XKR4: variants seen among roughly 807,000 people sequenced by gnomAD.
The protein encoded by XKR4 is XK related 4, also known as XK-related protein 4.
Under a neutral mutation model 53.9 loss-of-function variants are expected in XKR4, and 12 were observed. The ratio of observed to expected loss-of-function variants is 0.22; its 90% confidence interval spans 0.14 to 0.36. The LOEUF is 0.36. XKR4 is among the 10% of genes least tolerant of loss of function. XKR4 has a pLI of 1.00. For synonymous variants in XKR4, 354 were observed against 362.4 expected, an observed-to-expected ratio of 0.98 and a Z score of 0.26; for missense variants, 799 against 859.5, an observed-to-expected ratio of 0.93 and a Z score of 0.88.
intron 1 of XKR4, among the ~76,000 whole-genome samples, chr8:55,117,435 T>C (rs1262914647): frequency 6.6e-6 from 1 of 152,226 alleles, no homozygotes; most frequent in African/African-American, 2.4e-5. Flanking sequence ...CTTCCTGCCT[T>C]GCTTAAGGCC....
chr8:55,474,215 C>G (rs1585594215), intron 2 of XKR4, among the ~76,000 whole-genome samples: 1 of 152,120 alleles, frequency 6.6e-6, no homozygotes, highest in Non-Finnish European at 1.5e-5. Flanking sequence ...TAGCCTAAAA[C>G]AGACTTATCA....
intron 1 of XKR4, among the ~76,000 whole-genome samples, chr8:55,110,220 A>G (rs1816213203): frequency 6.6e-6 from 1 of 152,192 alleles, no homozygotes; most frequent in Non-Finnish European, 1.5e-5. Flanking sequence ...AGGGAAAATT[A>G]TATTTAATAA....
rs751884512 is a variant in XKR4, at chr8:55,523,792, G to A, written c.1518G>A (p.Met506Ile). 24 of 1,614,134 alleles carry A rather than the reference G, an allele frequency of 1.5e-5. No homozygotes were observed. Among genetic ancestry groups the A allele is most frequent in the Non-Finnish European group, 2.0e-5 (24 of 1,180,028 alleles). Residue 506 changes from methionine to isoleucine, a missense_variant, in exon 3 of 3, where the codon ATG becomes ATA. By Grantham distance (10) the Met-to-Ile change is conservative. Transcript: ENST00000327381. ...FSSFLTGVVF[M>I]LMYYAFFHPN... is the part of the protein sequence containing the mutation. ...GCTTTTTAACTGGCGTTGTTTTTAT[G>A]CTGATGTATTATGCCTTCTTTCATC...
rs565490531 is a variant in XKR4 at position 55,161,312 on chromosome 8, A to AG, written c.806+58018_806+58019insG. ...ACTCGCAGACATCTTTCCCAGAAAA[A>AG]AAAGAGATGCAGATTTAGACTTATT... On this transcript the variant is annotated intron_variant, in intron 1 of 2. Coordinates refer to ENST00000327381, the MANE Select transcript of XKR4 (RefSeq NM_052898.2). Among the ~76,000 whole-genome samples the AG allele has an allele frequency of 3.3e-4, 51 of 152,318 alleles. 1 individual carries two copies. In the South Asian group the frequency reaches 8.9e-3, roughly 27 times the overall value.
chr8:55,534,296 C>T lies in XKR4; in HGVS notation c.*10069C>T, dbSNP rs1806995833. 1 of 149,850 alleles carries T rather than the reference C, an allele frequency of 6.7e-6. No individual in the cohort carries two copies. Among genetic ancestry groups the T allele is most frequent in the East Asian group, 2.0e-4 (1 of 5,038 alleles). 9.3% of individuals were successfully genotyped at this position (149,850 alleles called of 1,614,324 possible). A position where few individuals can be genotyped will look rare whatever the true frequency, so the allele number is the denominator to read the frequency against. ...GAGATCCATTTCTATGTGGAATTGG[C>T]TATCCTGTTGCTTCTCAGGCCCTGC... On this transcript the variant is annotated 3_prime_UTR_variant, in exon 3 of 3. Coordinates refer to ENST00000327381, the MANE Select transcript of XKR4 (RefSeq NM_052898.2).
At chr8:55,316,086 C>T (rs932177860) in intron 1 of XKR4, among the ~76,000 whole-genome samples, 8 of 152,180 alleles carry the variant, frequency 5.3e-5, no homozygotes, top group Non-Finnish European at 1.0e-4. Flanking sequence ...TGAATGGAGT[C>T]TTAGCACCAT....
rs77343729 is a variant in XKR4 at position 55,258,864 on chromosome 8, G to T, written c.807-98814G>T. On this transcript the variant is annotated intron_variant, in intron 1 of 2. Transcript: ENST00000327381. ...TGTGGCCCCAGAAAGAGAATGTGCA[G>T]CCACCGGGGAGTTGGAAAAGCTGGG... Among the ~76,000 whole-genome samples, 418 of 152,304 alleles carry T rather than the reference G, an allele frequency of 2.7e-3. 11 individuals are homozygous for T. In the East Asian group the frequency reaches 0.059, roughly 22 times the overall value.
intron 2 of XKR4, among the ~76,000 whole-genome samples, chr8:55,474,295 T>C (rs1343151540): frequency 6.6e-6 from 1 of 152,060 alleles, no homozygotes; most frequent in Non-Finnish European, 1.5e-5. Flanking sequence ...ACTTTACATA[T>C]TGGGCTGAAT....
intron 2 of XKR4, chr8:55,517,212 C>T (rs1198213681): frequency 1.3e-5 from 2 of 152,026 alleles, no homozygotes; most frequent in Admixed American, 6.6e-5. Flanking sequence ...CACATAGAAG[C>T]CCAGACTTTA....
chr8:55,409,760 G>C (rs1804748131), intron 2 of XKR4, among the ~76,000 whole-genome samples: 1 of 152,088 alleles, frequency 6.6e-6, no homozygotes, highest in African/African-American at 2.4e-5. Context: ...AAAATCTATG[G>C]CCCTAGGATC....
Position 55,524,506 on chromosome 8 carries a change from C to T in XKR4, c.*279C>T. Reference sequence around the variant, plus strand: ...TCCTGCACGGTCTTGGGTGCACCCACCAGAGGGTACTACTATTATGGAAAA... The same window carrying T: ...TCCTGCACGGTCTTGGGTGCACCCATCAGAGGGTACTACTATTATGGAAAA... On this transcript the variant is annotated 3_prime_UTR_variant, in exon 3 of 3. Transcript: ENST00000327381. 1 of 446,456 alleles carries T rather than the reference C, an allele frequency of 2.2e-6. No homozygotes were observed. Among genetic ancestry groups the T allele is most frequent in the Non-Finnish European group, 4.0e-6 (1 of 249,648 alleles). 27.7% of individuals were successfully genotyped at this position (446,456 alleles called of 1,614,324 possible).
intron 2 of XKR4, among the ~76,000 whole-genome samples, chr8:55,368,789 A>G (rs915732316): frequency 6.6e-6 from 1 of 152,190 alleles, no homozygotes; most frequent in African/African-American, 2.4e-5. Flanking sequence ...GATTTTTACC[A>G]TCTTCAGAAG....
At chr8:55,321,850 G>A (rs956616895) in intron 1 of XKR4, among the ~76,000 whole-genome samples, 30 of 152,084 alleles carry the variant, frequency 2.0e-4, no homozygotes, top group Non-Finnish European at 2.1e-4. Context: ...TTAGCTGGGC[G>A]TGGTGGCACG....
At chr8:55,516,111 A>G (rs890097094) in intron 2 of XKR4, among the ~76,000 whole-genome samples, 1 of 152,234 alleles carries the variant, frequency 6.6e-6, no homozygotes, top group Non-Finnish European at 1.5e-5. Context: ...TGACACTTAT[A>G]TTGCACAAAG....
intron 2 of XKR4, chr8:55,454,367 A>C: frequency 6.6e-7 from 1 of 1,507,800 alleles, no homozygotes. Context: ...CAGGATGGGC[A>C]CATAGGTGAA....
At chr8:55,147,777 T>C (rs912672367) in intron 1 of XKR4, among the ~76,000 whole-genome samples, 24 of 152,242 alleles carry the variant, frequency 1.6e-4, no homozygotes, top group Non-Finnish European at 2.6e-4. Context: ...TTTGGTCCTG[T>C]GGGCCTATTT....
intron 1 of XKR4, among the ~76,000 whole-genome samples, chr8:55,228,554 A>G (rs1251049540): frequency 6.6e-6 from 1 of 152,200 alleles, no homozygotes; most frequent in Admixed American, 6.5e-5. Flanking sequence ...GAATAATTAA[A>G]TCCAATAGCT....
chr8:55,150,705 A>G (rs1030399515), intron 1 of XKR4, among the ~76,000 whole-genome samples: 4 of 152,126 alleles, frequency 2.6e-5, no homozygotes, highest in African/African-American at 9.7e-5. Context: ...CCTTCTAAGC[A>G]TCTCTTATAT....
chr8:55,120,150 C>T (rs1222386387), intron 1 of XKR4, among the ~76,000 whole-genome samples: 1 of 152,094 alleles, frequency 6.6e-6, no homozygotes, highest in Non-Finnish European at 1.5e-5. Context: ...TTAGGGATTC[C>T]TGGTAATGGA....
Sources: allele counts gnomAD v4.1 joint callset (sites outside exome capture counted in the v4.1 genomes callset), GRCh38; gene constraint gnomAD v4.1.1; transcripts MANE v1.5; gene names NCBI Gene and HGNC (gene_info 2026-07-23, HGNC 2026-07-21).